KHK: variants seen among roughly 807,000 people sequenced by gnomAD.
KHK encodes the protein fructokinase.
A neutral mutation model predicts 36.0 loss-of-function variants in KHK; 37 were observed. The observed-to-expected ratio is 1.03, with a 90% CI of 0.79 to 1.35. The LOEUF (loss-of-function observed/expected upper bound fraction) is 1.35, where lower values mean the gene tolerates loss of function less well. Ranked by LOEUF, KHK falls within the 40% of genes most tolerant of loss-of-function variation. The pLI is 0.00. For missense variants in KHK, 395 were observed against 391.9 expected (o/e 1.01, Z -0.07); for synonymous variants, 161 against 162.8 (o/e 0.99, Z 0.08).
chr2:27,087,166 A>T lies in KHK; in HGVS notation c.-94A>T. 1 of 1,065,858 alleles carries T rather than the reference A, an allele frequency of 9.4e-7. No homozygotes were observed. Among genetic ancestry groups the T allele is most frequent in the Non-Finnish European group, 1.4e-6 (1 of 714,820 alleles). 66.0% of individuals were successfully genotyped at this position (1,065,858 alleles called of 1,614,324 possible). Reference sequence around the variant, plus strand: ...TCCCACGCGGAGGAGGAGCCAGGGCAGCTGGGAGCGGGGACACCATCCTCC... The same window carrying T: ...TCCCACGCGGAGGAGGAGCCAGGGCTGCTGGGAGCGGGGACACCATCCTCC... On this transcript the variant is annotated 5_prime_UTR_variant, in exon 1 of 8. Transcript: ENST00000260598.
Position 27,100,566 on chromosome 2 carries a change from T to C in KHK, c.*816T>C. Reference sequence around the variant, plus strand: ...GCCTTATAATGTAAAGAGCATATAATGTAAAGGGCTTTAGAGTGAGACAGA... The same window carrying C: ...GCCTTATAATGTAAAGAGCATATAACGTAAAGGGCTTTAGAGTGAGACAGA... On this transcript the variant is annotated 3_prime_UTR_variant, in exon 8 of 8. Transcript: ENST00000260598. 1 of 1,287,124 alleles carries C rather than the reference T, an allele frequency of 7.8e-7. No homozygotes were observed. Among genetic ancestry groups the C allele is most frequent in the Non-Finnish European group, 1.0e-6 (1 of 985,504 alleles). The allele number at this position is 1,287,124 out of a possible 1,614,324, so 79.7% of individuals were successfully genotyped here. A position where few individuals can be genotyped will look rare whatever the true frequency, so the allele number is the denominator to read the frequency against.
At position 27,087,312 on chromosome 2, in the gene KHK, G is replaced by A. The variant is rs756218495; in HGVS notation, c.53G>A (p.Ser18Asn). 2 of 1,601,076 alleles carry A rather than the reference G, an allele frequency of 1.2e-6. No individual in the cohort carries two copies. Among genetic ancestry groups the A allele is most frequent in the Non-Finnish European group, 1.7e-6 (2 of 1,173,502 alleles). The change falls in exon 1 of 8, where the codon AGC becomes AAC. Residue 18 changes from serine to asparagine, a missense_variant. Coordinates refer to ENST00000260598, the MANE Select transcript of KHK (RefSeq NM_006488.3). The stretch of plus-strand genomic sequence containing the variant: ...GGGCTAGTGGTGCTGGACGTCATCA[G>A]CCTGGTGGACAAGTACCCTAAGGAG... ...CVGLVVLDVI[S>N]LVDKYPKEDS... is the part of the protein sequence containing the mutation.
chr2:27,091,256 T>C (rs1669985485), intron 1 of KHK, among the ~76,000 whole-genome samples: 1 of 145,992 alleles, frequency 6.8e-6, no homozygotes, highest in African/African-American at 2.5e-5. Context: ...AATTTTTAAT[T>C]TTTTTTTTTT....
rs1276106779 is a variant in KHK at position 27,099,207 on chromosome 2, C to T, written c.576C>T (p.Ser192=). The change falls in exon 6 of 8, where the codon AGC becomes AGT. Residue 192 remains serine (S), a synonymous_variant. Transcript: ENST00000260598. ...LFGYGDVVFV[S]KDVAKHLGFQ... ...TCCACTGCCCACAGGTGTTTGTCAG[C>T]AAAGATGTGGCCAAGCACTTGGGGT... 3 of 1,613,974 alleles carry T rather than the reference C, an allele frequency of 1.9e-6. No individual in the cohort carries two copies. The highest frequency in any genetic ancestry group is 2.5e-6 in the Non-Finnish European group (3 of 1,180,018).
At chr2:27,093,856 G>T (rs1040331016) in intron 2 of KHK, among the ~76,000 whole-genome samples, 7 of 152,206 alleles carry the variant, frequency 4.6e-5, no homozygotes, top group African/African-American at 1.7e-4. Flanking sequence ...CATCAGGCAC[G>T]GGGAGCCAGC....
At position 27,099,708 on chromosome 2, in the gene KHK, C is replaced by T. The variant is rs577933898; in HGVS notation, c.855C>T (p.Ala285=). Reference sequence around the variant, plus strand: ...CACTGAGATTCGGGTGCCAGGTGGCCGGCAAGAAGTGTGGCCTGCAGGGCT... The same window carrying T: ...CACTGAGATTCGGGTGCCAGGTGGCTGGCAAGAAGTGTGGCCTGCAGGGCT... ...QEALRFGCQV[A]GKKCGLQGFD... Residue 285 remains alanine, a synonymous_variant, in exon 8 of 8, where the codon GCC becomes GCT. Coordinates refer to ENST00000260598, the MANE Select transcript of KHK (RefSeq NM_006488.3). The T allele has an allele frequency of 1.1e-5, 18 of 1,614,106 alleles. 1 individual carries two copies. The highest frequency in any genetic ancestry group is 2.2e-5 in the East Asian group (1 of 44,852).
At chr2:27,088,033 A>T (rs62130544) in intron 1 of KHK, 3,758 of 151,046 alleles carry the variant, frequency 0.025, 79 homozygotes, top group South Asian at 0.062. Context: ...GTCAATGAAC[A>T]CCGTTTAGTA....
chr2:27,096,537 G>A (rs192871384), intron 3 of KHK, among the ~76,000 whole-genome samples, 192 bp from the exon 4 acceptor site: 1 of 152,292 alleles, frequency 6.6e-6, no homozygotes, highest in East Asian at 1.9e-4. Flanking sequence ...TCAAACTCAG[G>A]AAAGGGCACC....
chr2:27,091,077 C>T (rs1669976407), intron 1 of KHK, among the ~76,000 whole-genome samples: 1 of 91,804 alleles, frequency 1.1e-5, no homozygotes, highest in South Asian at 3.4e-4. Context: ...AATTACTATC[C>T]TTTGTCATTG....
chr2:27,087,384 G>T, intron 1 of KHK, 33 bp downstream of exon 1: 1 of 1,498,656 alleles, frequency 6.7e-7, no homozygotes, highest in Non-Finnish European at 9.1e-7. Context: ...GGGGACCCCA[G>T]GGGCTGCTGC....
Position 27,100,184 on chromosome 2 carries a change from G to A in KHK, c.*434G>A, listed in dbSNP as rs1670725138. ...TCGGTGCCCCACACCCAGTGAACCT[G>A]CCAAAGAAACCGTGAGAGCTCTTCG... On this transcript the variant is annotated 3_prime_UTR_variant, in exon 8 of 8. Coordinates refer to ENST00000260598, the MANE Select transcript of KHK (RefSeq NM_006488.3). 4 of 457,548 alleles carry A rather than the reference G, an allele frequency of 8.7e-6. No individual in the cohort carries two copies. Among genetic ancestry groups the A allele is most frequent in the East Asian group, 4.6e-5 (1 of 21,892 alleles). The allele number at this position is 457,548 out of a possible 1,614,324, so 28.3% of individuals were successfully genotyped here. A position where few individuals can be genotyped will look rare whatever the true frequency, so the allele number is the denominator to read the frequency against.
chr2:27,099,269 G>A lies in KHK; in HGVS notation c.638G>A (p.Gly213Asp), dbSNP rs1328514096. The change falls in exon 6 of 8, where the codon GGT becomes GAT. Residue 213 changes from glycine to aspartate, a missense_variant. Gly to Asp is a moderately conservative substitution (Grantham distance 94, BLOSUM62 -1). Coordinates refer to ENST00000260598, the MANE Select transcript of KHK (RefSeq NM_006488.3). ...GAGGAAGCCTTGAGGGGCTTGTATG[G>A]TCGTGTGAGGAAAGGGTGAGCCGGG... ...SAEEALRGLY[G>D]RVRKGAVLVC... The A allele has an allele frequency of 6.2e-7, 1 of 1,614,036 alleles. No homozygotes were observed. The highest frequency in any genetic ancestry group is 1.7e-5 in the Admixed American group (1 of 60,004).
At position 27,087,173 on chromosome 2, in the gene KHK, A is replaced by G; in HGVS notation, c.-87A>G. 8.7e-7 allele frequency: 1 copy of G among 1,146,036 alleles called. No individual in the cohort carries two copies. The allele number at this position is 1,146,036 out of a possible 1,614,324, so 71.0% of individuals were successfully genotyped here. A position where few individuals can be genotyped will look rare whatever the true frequency, so the allele number is the denominator to read the frequency against. On this transcript the variant is annotated 5_prime_UTR_variant, in exon 1 of 8. Coordinates refer to ENST00000260598, the MANE Select transcript of KHK (RefSeq NM_006488.3). ...CGGAGGAGGAGCCAGGGCAGCTGGG[A>G]GCGGGGACACCATCCTCCTGGATAA...
chr2:27,094,382 T>C, intron 2 of KHK: 2 of 1,485,826 alleles, frequency 1.3e-6, no homozygotes, highest in Non-Finnish European at 1.9e-6. Context: ...CTTGCACCCC[T>C]GCCTTTCAGG....
At position 27,100,645 on chromosome 2, in the gene KHK, C is replaced by T; in HGVS notation, c.*895C>T. 2.8e-6 allele frequency: 3 copies of T among 1,085,874 alleles called. No individual in the cohort carries two copies. Among genetic ancestry groups the T allele is most frequent in the Non-Finnish European group, 3.6e-6 (3 of 835,270 alleles). 67.3% of individuals were successfully genotyped at this position (1,085,874 alleles called of 1,614,324 possible). ...CTGCATATCACCTTAGGGTACAGCA[C>T]TTAACGCAATCTGCCTCAATTTCTT... is the stretch of plus-strand genomic sequence containing the variant. On this transcript the variant is annotated 3_prime_UTR_variant, in exon 8 of 8. Transcript: ENST00000260598.
chr2:27,096,841 G>A (rs929485369), intron 4 of KHK, 40 bp downstream of exon 4: 1 of 1,444,862 alleles, frequency 6.9e-7, no homozygotes, highest in Non-Finnish European at 9.7e-7. Context: ...GGCTCAACCT[G>A]CCAGCCTCCT....
At position 27,100,245 on chromosome 2, in the gene KHK, C is replaced by A; in HGVS notation, c.*495C>A. 2.5e-6 allele frequency: 1 copy of A among 392,304 alleles called. No individual in the cohort carries two copies. Among genetic ancestry groups the A allele is most frequent in the South Asian group, 2.0e-5 (1 of 49,262 alleles). The allele number at this position is 392,304 out of a possible 1,614,324, so 24.3% of individuals were successfully genotyped here. ...TTGTGCAGACTCTATTCCCACAGCT[C>A]AGAAGCTGGGAGTCCACACCGCTGA... On this transcript the variant is annotated 3_prime_UTR_variant, in exon 8 of 8. Transcript: ENST00000260598.
At position 27,091,889 on chromosome 2, in the gene KHK, G is replaced by A. The variant is rs762187897; in HGVS notation, c.93-443G>A. ...AGACACTCCTAACACAGGGGTAGGT[G>A]TAAATGTGATACCTTTGGGAAGAGG... On this transcript the variant is annotated intron_variant, in intron 1 of 7. Coordinates refer to ENST00000260598, the MANE Select transcript of KHK (RefSeq NM_006488.3). Among the ~76,000 whole-genome samples, 157 of 152,166 alleles carry A rather than the reference G, an allele frequency of 1.0e-3. 1 individual carries two copies. Among genetic ancestry groups the A allele is most frequent in the Non-Finnish European group, 1.8e-3 (122 of 68,038 alleles).
intron 1 of KHK, among the ~76,000 whole-genome samples, chr2:27,089,078 C>T (rs774232179): frequency 1.9e-4 from 29 of 152,206 alleles, no homozygotes; most frequent in Non-Finnish European, 4.0e-4. Flanking sequence ...ATCCTTTATA[C>T]AGATAAGGAA....
Sources: allele counts gnomAD v4.1 joint callset (sites outside exome capture counted in the v4.1 genomes callset), GRCh38; gene constraint gnomAD v4.1.1; transcripts MANE v1.5; gene names NCBI Gene and HGNC (gene_info 2026-07-23, HGNC 2026-07-21).